Variants in KCNT2 observed in about 807,000 individuals in gnomAD.
The protein encoded by KCNT2 is potassium sodium-activated channel subfamily T member 2.
A neutral mutation model predicts 153.8 loss-of-function variants in KCNT2; 67 were observed. The observed-to-expected ratio is 0.44, with a 90% CI of 0.36 to 0.53. The LOEUF is 0.53. KCNT2 is among the 20% of genes least tolerant of loss of function. KCNT2 has a pLI of 0.00. For synonymous variants in KCNT2, 500 were observed against 458.8 expected (o/e 1.09, Z -1.15); for missense variants, 975 against 1,354.8 (o/e 0.72, Z 4.40).
chr1:196,516,720 T>A (rs1363690691), intron 1 of KCNT2, among the ~76,000 whole-genome samples: 1 of 152,116 alleles, frequency 6.6e-6, no homozygotes, highest in Non-Finnish European at 1.5e-5. Flanking sequence ...CCCCTGTCAG[T>A]GTGTTCGGGC....
At chr1:196,252,486 A>C (rs1041005382) in intron 26 of KCNT2, among the ~76,000 whole-genome samples, 1 of 151,734 alleles carries the variant, frequency 6.6e-6, no homozygotes, top group South Asian at 2.1e-4. Flanking sequence ...ATATAATACC[A>C]TTTCACATGT....
intron 3 of KCNT2, 137 bp downstream of exon 3, chr1:196,489,701 C>A (rs77509738): frequency 3.6e-6 from 2 of 554,638 alleles, no homozygotes; most frequent in Admixed American, 3.9e-5. Flanking sequence ...GCCTGTAAAT[C>A]GATCAATTTT....
At chr1:196,355,419 G>C (rs1273051701) in intron 14 of KCNT2, among the ~76,000 whole-genome samples, 2 of 151,650 alleles carry the variant, frequency 1.3e-5, no homozygotes, top group Middle Eastern at 6.3e-3. Flanking sequence ...GCCATTTTCA[G>C]GATAAGAAAA....
chr1:196,329,819 ATATATATG>A (rs1480050053), intron 18 of KCNT2, among the ~76,000 whole-genome samples: 1 of 146,926 alleles, frequency 6.8e-6, no homozygotes, highest in Non-Finnish European at 1.5e-5. Context: ...GCATATAGGT[ATATATATG>A]TATATATGTA....
chr1:196,496,078 T>C (rs1321508626), intron 1 of KCNT2, among the ~76,000 whole-genome samples: 2 of 152,156 alleles, frequency 1.3e-5, no homozygotes, highest in African/African-American at 4.8e-5. Context: ...CATTTATTAC[T>C]TGGGTTTGCT....
At chr1:196,452,385 C>T (rs751788043) in intron 8 of KCNT2, among the ~76,000 whole-genome samples, 4 of 151,866 alleles carry the variant, frequency 2.6e-5, no homozygotes, top group Non-Finnish European at 5.9e-5. Context: ...TCTAAAATTA[C>T]AGATTATAAC....
chr1:196,455,303 G>A (rs1676565557), intron 8 of KCNT2, among the ~76,000 whole-genome samples: 1 of 151,982 alleles, frequency 6.6e-6, no homozygotes, highest in African/African-American at 2.4e-5. Context: ...TTAGAACATG[G>A]ACATCTTTGA....
intron 13 of KCNT2, among the ~76,000 whole-genome samples, chr1:196,395,048 AT>A (rs1236422149): frequency 1.3e-5 from 2 of 151,152 alleles, no homozygotes; most frequent in Non-Finnish European, 3.0e-5. Flanking sequence ...ACTTTACTAC[AT>A]TCATTAAAAT....
intron 1 of KCNT2, among the ~76,000 whole-genome samples, chr1:196,506,856 G>A (rs1023138798): frequency 1.3e-5 from 2 of 152,038 alleles, no homozygotes; most frequent in East Asian, 3.9e-4. Flanking sequence ...GTTCCATAAT[G>A]TAATTATTTT....
rs377433586 is a variant in KCNT2 at position 196,438,468 on chromosome 1, G to A, written c.639-8711C>T. Among the ~76,000 whole-genome samples, 27 of 151,834 alleles carry A rather than the reference G, an allele frequency of 1.8e-4. No individual in the cohort carries two copies. The South Asian group carries it at 5.4e-3, about 30-fold the overall frequency. ...AAGGGTTATGGAAGTGGAAATATGGGCGATCATAGAAGGCTCCAAAAAAAG... is the reference window on the plus strand; with the variant it reads ...AAGGGTTATGGAAGTGGAAATATGGACGATCATAGAAGGCTCCAAAAAAAG... On this transcript the variant is annotated intron_variant, in intron 8 of 27. Transcript: ENST00000294725.
At chr1:196,517,594 G>A (rs939489313) in intron 1 of KCNT2, among the ~76,000 whole-genome samples, 24 of 152,110 alleles carry the variant, frequency 1.6e-4, no homozygotes, top group Admixed American at 2.6e-4. Flanking sequence ...TGAAAAGGCC[G>A]AAAAACACAC....
intron 1 of KCNT2, among the ~76,000 whole-genome samples, chr1:196,529,826 T>C (rs1654712080): frequency 6.6e-6 from 1 of 152,092 alleles, no homozygotes; most frequent in Non-Finnish European, 1.5e-5. Context: ...TTACATTTAT[T>C]TGGTCTCAAG....
intron 1 of KCNT2, among the ~76,000 whole-genome samples, chr1:196,587,289 T>C (rs1662800480): frequency 6.6e-6 from 1 of 152,114 alleles, no homozygotes; most frequent in South Asian, 2.1e-4. Context: ...AGCAGTAAAA[T>C]TATTATCTTC....
chr1:196,592,130 T>A (rs547434575), intron 1 of KCNT2, among the ~76,000 whole-genome samples: 1 of 151,916 alleles, frequency 6.6e-6, no homozygotes, highest in Non-Finnish European at 1.5e-5. Flanking sequence ...CATCAACCGA[T>A]GAATGGATAA....
rs778425985 is a variant in KCNT2 at position 196,423,125 on chromosome 1, T to C, written c.1122-12A>G. On this transcript the variant is annotated splice_polypyrimidine_tract_variant and intron_variant, in intron 11 of 27. Transcript: ENST00000294725. The stretch of plus-strand genomic sequence containing the variant: ...CAGCGTCATCCATCCTAAATACAGA[T>C]GGAAAAACAAAATAATCACACACTG... 7.9e-5 allele frequency: 124 copies of C among 1,571,224 alleles called. No individual in the cohort carries two copies. Among genetic ancestry groups the C allele is most frequent in the Admixed American group, 1.2e-4 (7 of 56,628 alleles).
intron 20 of KCNT2, among the ~76,000 whole-genome samples, chr1:196,316,474 C>T (rs888299958): frequency 5.3e-5 from 8 of 151,308 alleles, no homozygotes; most frequent in Non-Finnish European, 1.0e-4. Context: ...TCAAGCTTAA[C>T]GAAAAAATAC....
intron 18 of KCNT2, among the ~76,000 whole-genome samples, chr1:196,329,139 C>A (rs537453795): frequency 6.4e-4 from 97 of 152,172 alleles, no homozygotes; most frequent in African/African-American, 2.3e-3. Flanking sequence ...AGGACACCAG[C>A]CCCACTGATA....
chr1:196,401,491 T>C (rs1671412637), intron 12 of KCNT2, among the ~76,000 whole-genome samples: 1 of 151,598 alleles, frequency 6.6e-6, no homozygotes, highest in Non-Finnish European at 1.5e-5. Flanking sequence ...AAAAAGAAAA[T>C]TTCAGCAGAG....
chr1:196,382,530 T>G (rs1669599767), intron 13 of KCNT2, among the ~76,000 whole-genome samples: 1 of 151,808 alleles, frequency 6.6e-6, no homozygotes, highest in Non-Finnish European at 1.5e-5. Flanking sequence ...CACAAATATA[T>G]TAAGAAAGAA....
Sources: allele counts gnomAD v4.1 joint callset (sites outside exome capture counted in the v4.1 genomes callset), GRCh38; gene constraint gnomAD v4.1.1; transcripts MANE v1.5; gene names NCBI Gene and HGNC (gene_info 2026-07-23, HGNC 2026-07-21).